The following KMT2C variants were observed in gnomAD, a reference collection of about 807,000 sequenced individuals.
KMT2C encodes the protein lysine methyltransferase 2C, also known as histone-lysine N-methyltransferase 2C.
In KMT2C, 88 loss-of-function variants were observed where a neutral mutation model predicts 507.9. That is an observed-to-expected ratio of 0.17 (90% CI 0.15 to 0.21). The LOEUF is 0.21. Among genes scored for constraint, KMT2C ranks in the 10% least tolerant of loss-of-function variants. KMT2C has a pLI of 1.00. For synonymous variants in KMT2C, 2,049 were observed against 2,080.8 expected (o/e 0.98, Z 0.42); for missense variants, 4,954 against 5,957.8 (o/e 0.83, Z 5.55).
rs2129115535 is a variant in KMT2C, at chr7:152,177,867, G to A, written c.7586C>T (p.Ser2529Leu). Reference sequence around the variant, plus strand: ...AAGTCCAACTGGATTATTCATTTGTGAGTTATTTAAAGGCCTAGGCATATC... The same window carrying A: ...AAGTCCAACTGGATTATTCATTTGTAAGTTATTTAAAGGCCTAGGCATATC... ...SVDMPRPLNNSQMNNPVGLPQ... is the reference protein window; with the variant it reads ...SVDMPRPLNNLQMNNPVGLPQ... Residue 2529 changes from serine (S) to leucine (L), a missense_variant, in exon 38 of 59, where the codon TCA (serine) becomes TTA (leucine). Physicochemically the swap from Ser to Leu is moderately radical, Grantham distance 145. Around this residue, in one of 29 missense-constraint regions of KMT2C, gnomAD observed 1,689 missense variants for 1,654.3 expected, o/e 1.02. Coordinates refer to ENST00000262189, the MANE Select transcript of KMT2C (RefSeq NM_170606.3). 1 of 1,613,644 alleles carries A rather than the reference G, an allele frequency of 6.2e-7. No individual in the cohort carries two copies. Among genetic ancestry groups the A allele is most frequent in the Non-Finnish European group, 8.5e-7 (1 of 1,179,936 alleles).
intron 14 of KMT2C, among the ~76,000 whole-genome samples, chr7:152,245,582 A>C (rs1057274322): frequency 2.6e-5 from 4 of 152,178 alleles, no homozygotes; most frequent in African/African-American, 9.6e-5. Context: ...TTACCGTTCT[A>C]CTAGTTGGCT....
At chr7:152,358,502 A>G in intron 2 of KMT2C, 85 bp downstream of exon 2, 1 of 870,454 alleles carries the variant, frequency 1.1e-6, no homozygotes, top group Non-Finnish European at 1.9e-6. Flanking sequence ...TTAACACAGA[A>G]TATTGTTATA....
At chr7:152,277,716 A>C (rs2096110196) in intron 6 of KMT2C, among the ~76,000 whole-genome samples, 2 of 152,208 alleles carry the variant, frequency 1.3e-5, no homozygotes, top group African/African-American at 4.8e-5. Flanking sequence ...ATTACAAAAA[A>C]AGAAGAATCG....
At chr7:152,198,313 CA>C (rs2129132272) in intron 27 of KMT2C, among the ~76,000 whole-genome samples, 1 of 152,246 alleles carries the variant, frequency 6.6e-6, no homozygotes, top group South Asian at 2.1e-4. Flanking sequence ...AAGTCAAAAT[CA>C]AAAATAGTTG....
At chr7:152,175,824 T>C (rs1423369154) in intron 38 of KMT2C, among the ~76,000 whole-genome samples, 5 of 152,170 alleles carry the variant, frequency 3.3e-5, no homozygotes, top group African/African-American at 1.2e-4. Context: ...GCGGATCACC[T>C]GAGGTCAGGA....
At chr7:152,280,272 G>A (rs2096181054) in intron 6 of KMT2C, among the ~76,000 whole-genome samples, 4 of 152,256 alleles carry the variant, frequency 2.6e-5, no homozygotes, top group African/African-American at 9.6e-5. Flanking sequence ...GCAGGGTGCG[G>A]TGGCTCATGC....
chr7:152,290,246 G>A (rs1438343855), intron 6 of KMT2C, among the ~76,000 whole-genome samples: 19 of 88,618 alleles, frequency 2.1e-4, no homozygotes, highest in Admixed American at 1.3e-3. Context: ...GTGTGTGTGT[G>A]TGTGTGTATG....
chr7:152,320,494 C>G (rs912161138), intron 3 of KMT2C, among the ~76,000 whole-genome samples: 3 of 152,084 alleles, frequency 2.0e-5, no homozygotes, highest in Non-Finnish European at 2.9e-5. Flanking sequence ...GGTGATCCAC[C>G]TGCCTTGGCC....
chr7:152,270,912 C>T (rs552022335), intron 7 of KMT2C, among the ~76,000 whole-genome samples: 1 of 152,144 alleles, frequency 6.6e-6, no homozygotes, highest in Non-Finnish European at 1.5e-5. Context: ...GAGATGCATG[C>T]TTTTGTTAAA....
intron 9 of KMT2C, among the ~76,000 whole-genome samples, chr7:152,260,577 T>C (rs1449375659): frequency 6.6e-6 from 1 of 152,110 alleles, no homozygotes; most frequent in East Asian, 1.9e-4. Flanking sequence ...ATTAAATTTT[T>C]TAAAGTTAAG....
At chr7:152,302,412 G>A (rs1227259404) in intron 6 of KMT2C, among the ~76,000 whole-genome samples, 3 of 151,894 alleles carry the variant, frequency 2.0e-5, no homozygotes, top group East Asian at 1.9e-4. Flanking sequence ...TTAGTAGAGA[G>A]GGGGTTTCAT....
intron 1 of KMT2C, among the ~76,000 whole-genome samples, chr7:152,434,177 T>C (rs1164233391): frequency 6.6e-6 from 1 of 152,212 alleles, no homozygotes; most frequent in African/African-American, 2.4e-5. Context: ...ATTTTATACT[T>C]GCCACTGTAT....
rs2129094085 is a variant in KMT2C at position 152,146,741 on chromosome 7, C to T, written c.13895-6G>A. On this transcript the variant is annotated splice_polypyrimidine_tract_variant and splice_region_variant and intron_variant, in intron 52 of 58. Coordinates refer to ENST00000262189, the MANE Select transcript of KMT2C (RefSeq NM_170606.3). ...CAAAATCTTATCCCAGACACCTACA[C>T]AGGGACAAAAACATAATTTTTATAG... The T allele has an allele frequency of 6.2e-7, 1 of 1,613,072 alleles. No homozygotes were observed. Among genetic ancestry groups the T allele is most frequent in the Middle Eastern group, 1.7e-4 (1 of 6,060 alleles).
intron 9 of KMT2C, among the ~76,000 whole-genome samples, chr7:152,256,220 C>T (rs2095659441): frequency 6.6e-6 from 1 of 152,010 alleles, no homozygotes; most frequent in South Asian, 2.1e-4. Flanking sequence ...AATATGAACT[C>T]CTCTATACCC....
chr7:152,426,741 C>T (rs2097822999), intron 1 of KMT2C, among the ~76,000 whole-genome samples: 1 of 152,142 alleles, frequency 6.6e-6, no homozygotes, highest in Non-Finnish European at 1.5e-5. Flanking sequence ...AAATTCATAA[C>T]AATCCTAAAT....
chr7:152,176,651 T>A lies in KMT2C; in HGVS notation c.8802A>T (p.Pro2934=). The part of the protein sequence containing the change: ...NEKSDNSDIR[P]SGSPPPPTLP... ...GAGTTGGTGGTGGTGGAGACCCCGA[T>A]GGCCTAATGTCTGAATTATCAGATT... Residue 2934 remains proline, a synonymous_variant, in exon 38 of 59, where the codon CCA becomes CCT. Transcript: ENST00000262189. 6.2e-7 allele frequency: 1 copy of A among 1,614,226 alleles called. No individual in the cohort carries two copies. The highest frequency in any genetic ancestry group is 8.5e-7 in the Non-Finnish European group (1 of 1,180,048).
At chr7:152,428,458 C>CAAAAAAA (rs140697569) in intron 1 of KMT2C, among the ~76,000 whole-genome samples, 318 of 73,458 alleles carry the variant, frequency 4.3e-3, no homozygotes, top group African/African-American at 8.8e-3. Context: ...ACTAAAAATA[C>CAAAAAAA]AAAAAAAAAA....
chr7:152,397,480 G>T (rs575635258), intron 1 of KMT2C, among the ~76,000 whole-genome samples: 3 of 152,206 alleles, frequency 2.0e-5, no homozygotes, highest in Admixed American at 1.3e-4. Context: ...TTCTTACCAC[G>T]GTGTGAAGGG....
chr7:152,413,742 A>G (rs1178961196), intron 1 of KMT2C, among the ~76,000 whole-genome samples: 2 of 151,728 alleles, frequency 1.3e-5, no homozygotes, highest in South Asian at 2.1e-4. Flanking sequence ...AAAATTAGCC[A>G]GGTGTGGTGG....
Sources: allele counts gnomAD v4.1 joint callset (sites outside exome capture counted in the v4.1 genomes callset), GRCh38; gene constraint gnomAD v4.1.1; regional missense constraint gnomAD v4.1.1; transcripts MANE v1.5; gene names NCBI Gene and HGNC (gene_info 2026-07-23, HGNC 2026-07-21).